The following FAF1 variants were observed in gnomAD, a reference collection of about 807,000 sequenced individuals.
The protein encoded by FAF1 is FAS-associated factor 1.
A neutral mutation model predicts 92.5 loss-of-function variants in FAF1; 25 were observed. The ratio of observed to expected loss-of-function variants is 0.27; its 90% CI spans 0.20 to 0.38. FAF1 has a LOEUF of 0.38. Ranked by LOEUF, FAF1 falls within the 10% of genes least tolerant of loss-of-function variation. The pLI is 1.00. For missense variants in FAF1, 636 were observed against 793.3 expected, an observed-to-expected ratio of 0.80 and a Z score of 2.38; for synonymous variants, 234 against 273.2, an observed-to-expected ratio of 0.86 and a Z score of 1.42.
intron 4 of FAF1, among the ~76,000 whole-genome samples, chr1:50,771,630 C>G (rs112095647): frequency 0.087 from 13,176 of 152,164 alleles, 593 homozygotes; most frequent in African/African-American, 0.098. Flanking sequence ...GCCCAGCACA[C>G]TGGCTCACAC....
chr1:50,778,073 TG>T (rs2124557097), intron 4 of FAF1, among the ~76,000 whole-genome samples: 1 of 152,350 alleles, frequency 6.6e-6, no homozygotes, highest in African/African-American at 2.4e-5. Flanking sequence ...GGGTAATTTA[TG>T]GTATTTTCAT....
In FAF1 at chr1:50,720,365, AT is replaced by A. The variant is rs773664312; in HGVS notation, c.552-14475del. 4.6e-5 allele frequency among the ~76,000 whole-genome samples: 7 copies of A among 152,304 alleles called. No homozygotes were observed. In the East Asian group the frequency reaches 9.6e-4, roughly 21 times the overall value. Reference sequence around the variant, plus strand: ...TAACAATGATGCTCACTACAATTAAATTTAAGTTGAACAGTAATCACAATGT... The same window carrying A: ...TAACAATGATGCTCACTACAATTAAATTAAGTTGAACAGTAATCACAATGT... On this transcript the variant is annotated intron_variant, in intron 6 of 18. Transcript: ENST00000396153.
rs113554476 is a variant in FAF1 at position 50,453,268 on chromosome 1, C to T, written c.1870-11745G>A. ...GGTGGGCTACATGTGCTCCTCAGGC[C>T]CAGTGGGCTAGGGAGAAAGTGAGCA... is the stretch of plus-strand genomic sequence containing the variant. On this transcript the variant is annotated intron_variant, in intron 18 of 18. Transcript: ENST00000396153. Among the ~76,000 whole-genome samples the T allele has an allele frequency of 2.5e-3, 382 of 152,208 alleles. 1 individual carries two copies. The highest frequency in any genetic ancestry group is 1.0e-2 in the South Asian group (48 of 4,816).
intron 6 of FAF1, among the ~76,000 whole-genome samples, chr1:50,712,657 A>G (rs955906856): frequency 5.3e-5 from 8 of 152,072 alleles, no homozygotes; most frequent in African/African-American, 1.9e-4. Flanking sequence ...CTCTGTTGTA[A>G]AAGAAAAAAA....
At chr1:50,575,058 G>A (rs997850971) in intron 12 of FAF1, among the ~76,000 whole-genome samples, 2 of 151,528 alleles carry the variant, frequency 1.3e-5, no homozygotes, top group African/African-American at 4.8e-5. Context: ...ACAGGCACCC[G>A]CCACCACGCC....
intron 2 of FAF1, among the ~76,000 whole-genome samples, chr1:50,830,336 CTGACCTCAAG>C (rs1468228682): frequency 1.3e-5 from 2 of 152,212 alleles, no homozygotes; most frequent in Non-Finnish European, 2.9e-5. Context: ...TCTCAAACTC[CTGACCTCAAG>C]TGATCTGCCC....
At chr1:50,779,748 A>G (rs1039148404) in intron 4 of FAF1, among the ~76,000 whole-genome samples, 3 of 152,004 alleles carry the variant, frequency 2.0e-5, no homozygotes, top group African/African-American at 4.8e-5. Flanking sequence ...TCATATAACT[A>G]TAAGATGTCT....
intron 8 of FAF1, among the ~76,000 whole-genome samples, chr1:50,617,200 G>A (rs956347636): frequency 3.9e-5 from 6 of 152,270 alleles, no homozygotes; most frequent in African/African-American, 1.4e-4. Context: ...GTGAGAGTAG[G>A]CATCCTTGTA....
At chr1:50,694,626 C>T (rs1466473825) in intron 7 of FAF1, among the ~76,000 whole-genome samples, 1 of 150,600 alleles carries the variant, frequency 6.6e-6, no homozygotes, top group African/African-American at 2.4e-5. Context: ...ACTACCATAA[C>T]GTGATAACAA....
chr1:50,470,573 A>T (rs555839443), intron 18 of FAF1, among the ~76,000 whole-genome samples: 8 of 152,226 alleles, frequency 5.3e-5, no homozygotes, highest in Non-Finnish European at 7.3e-5. Context: ...CACTGCTGCC[A>T]CATTTTCTTT....
At chr1:50,459,546 A>ACCT (rs1371497732) in intron 18 of FAF1, among the ~76,000 whole-genome samples, 2 of 152,134 alleles carry the variant, frequency 1.3e-5, no homozygotes, top group African/African-American at 4.8e-5. Flanking sequence ...CCTCTAAGTC[A>ACCT]CCTCTGAAAA....
intron 6 of FAF1, among the ~76,000 whole-genome samples, chr1:50,728,323 C>G (rs1658748677): frequency 6.6e-6 from 1 of 152,056 alleles, no homozygotes; most frequent in African/African-American, 2.4e-5. Context: ...TATAAATGCT[C>G]TAAGGTTTAA....
rs187381248 is a variant in FAF1, at chr1:50,476,093, C to T, written c.1654-414G>A. ...GAGATATATTTATATTTGAGAAATA[C>T]AAGTAGAAGTAACTGCAGAATACTG... On this transcript the variant is annotated intron_variant, in intron 17 of 18. Coordinates refer to ENST00000396153, the MANE Select transcript of FAF1 (RefSeq NM_007051.3). Among the ~76,000 whole-genome samples the T allele has an allele frequency of 6.4e-3, 966 of 152,004 alleles. 14 individuals carry two copies. Among genetic ancestry groups the T allele is most frequent in the African/African-American group, 0.022 (899 of 41,432 alleles).
intron 2 of FAF1, among the ~76,000 whole-genome samples, chr1:50,821,650 C>G (rs1644043990): frequency 6.6e-6 from 1 of 152,138 alleles, no homozygotes; most frequent in African/African-American, 2.4e-5. Flanking sequence ...TCAGTTTTCT[C>G]CTGGTAAAAC....
intron 9 of FAF1, among the ~76,000 whole-genome samples, chr1:50,586,738 T>C (rs1368063255): frequency 6.6e-6 from 1 of 152,152 alleles, no homozygotes; most frequent in Non-Finnish European, 1.5e-5. Flanking sequence ...TTTAGAGCAG[T>C]GAAAGAGCCT....
chr1:50,785,892 C>G (rs1661344237), intron 4 of FAF1, among the ~76,000 whole-genome samples: 1 of 152,058 alleles, frequency 6.6e-6, no homozygotes, highest in African/African-American at 2.4e-5. Context: ...CTTTGGGAGT[C>G]TGAGGCAGGA....
At chr1:50,637,273 TAAAAAA>T (rs1172030649) in intron 8 of FAF1, among the ~76,000 whole-genome samples, 1 of 97,262 alleles carries the variant, frequency 1.0e-5, no homozygotes, top group Non-Finnish European at 2.0e-5. Context: ...CCATTTCTAC[TAAAAAA>T]AAAAAAAAAA....
intron 6 of FAF1, among the ~76,000 whole-genome samples, chr1:50,711,090 AGTAGAGACGGG>A (rs1038650294): frequency 6.6e-6 from 1 of 151,326 alleles, no homozygotes; most frequent in Non-Finnish European, 1.5e-5. Context: ...TGGTATTTTT[AGTAGAGACGGG>A]GTTTCACCAT....
At chr1:50,729,050 A>C (rs1384055632) in intron 6 of FAF1, among the ~76,000 whole-genome samples, 2 of 95,852 alleles carry the variant, frequency 2.1e-5, no homozygotes, top group African/African-American at 4.5e-5. Context: ...ATATATATAT[A>C]TATATATATT....
Sources: allele counts gnomAD v4.1 joint callset (sites outside exome capture counted in the v4.1 genomes callset), GRCh38; gene constraint gnomAD v4.1.1; transcripts MANE v1.5; gene names NCBI Gene and HGNC (gene_info 2026-07-23, HGNC 2026-07-21).